The following TMSB15B variants were observed in gnomAD, a reference collection of about 807,000 sequenced individuals.
TMSB15B encodes thymosin beta-15B.
At chrX:103,921,862 G>C (rs1317154176) in intron 1 of TMSB15B, among the ~76,000 whole-genome samples, 1 of 111,890 alleles carries the variant, frequency 8.9e-6, no homozygotes, top group African/African-American at 3.3e-5. Flanking sequence ...TTTCAGGGAT[G>C]TTAAGTAACT....
intron 1 of TMSB15B, among the ~76,000 whole-genome samples, chrX:103,925,157 A>G (rs137862179): frequency 1.2e-3 from 130 of 111,632 alleles, no homozygotes; most frequent in African/African-American, 4.2e-3. Flanking sequence ...TATGTTACTA[A>G]TCTCTGCCAC....
chrX:103,930,725 GATA>G (rs10681462), intron 1 of TMSB15B, among the ~76,000 whole-genome samples: 8,580 of 92,945 alleles, frequency 0.092, 439 homozygotes, highest in African/African-American at 0.16. Context: ...TGATGCTGTT[GATA>G]ATAATAATAA....
At chrX:103,927,416 G>C (rs1412094505) in intron 1 of TMSB15B, among the ~76,000 whole-genome samples, 2 of 111,935 alleles carry the variant, frequency 1.8e-5, no homozygotes, top group Non-Finnish European at 3.8e-5. Context: ...GGTCTACAGG[G>C]TTAGGTTTGG....
chrX:103,948,578 C>T (rs1438967920), intron 1 of TMSB15B, among the ~76,000 whole-genome samples: 4 of 112,281 alleles, frequency 3.6e-5, no homozygotes, highest in Admixed American at 2.8e-4. Context: ...ATTCATATAA[C>T]AGAATATTAT....
At chrX:103,943,950 A>G (rs1196237333) in intron 1 of TMSB15B, among the ~76,000 whole-genome samples, 1 of 112,060 alleles carries the variant, frequency 8.9e-6, no homozygotes, top group Admixed American at 9.5e-5. Flanking sequence ...ATTTAAAATC[A>G]TAGATGTCTC....
At chrX:103,954,592 A>C (rs1316154269) in intron 1 of TMSB15B, among the ~76,000 whole-genome samples, 1 of 111,582 alleles carries the variant, frequency 9.0e-6, no homozygotes, top group East Asian at 2.8e-4. Flanking sequence ...GGAGTGCAAT[A>C]GGCCCCCAAC....
At chrX:103,929,155 C>G (rs1172697384) in intron 1 of TMSB15B, 2 of 433,752 alleles carry the variant, frequency 4.6e-6, no homozygotes, top group African/African-American at 4.9e-5. Flanking sequence ...GGGAGAAGTT[C>G]CCAACTACCA....
intron 1 of TMSB15B, among the ~76,000 whole-genome samples, chrX:103,936,595 G>A (rs1490907518): frequency 1.8e-5 from 2 of 112,044 alleles, no homozygotes; most frequent in African/African-American, 6.5e-5. Context: ...TCTGCAAACA[G>A]AGAGAATTTG....
intron 1 of TMSB15B, among the ~76,000 whole-genome samples, chrX:103,920,990 G>A (rs1395246671): frequency 1.8e-5 from 2 of 112,109 alleles, no homozygotes; most frequent in Admixed American, 9.4e-5. Context: ...GCTCCTGTGG[G>A]GCCTGTTCTT....
At chrX:103,928,001 C>A in intron 1 of TMSB15B, 2 of 489,150 alleles carry the variant, frequency 4.1e-6, no homozygotes, top group Non-Finnish European at 3.3e-6. Flanking sequence ...TCCAATTAAG[C>A]AATGAGAATG....
At chrX:103,949,050 C>T (rs1190110290) in intron 1 of TMSB15B, among the ~76,000 whole-genome samples, 2 of 111,025 alleles carry the variant, frequency 1.8e-5, no homozygotes, top group Admixed American at 9.6e-5. Flanking sequence ...AGAATTTAAA[C>T]GAGTAGCTCT....
intron 1 of TMSB15B, chrX:103,931,558 T>A (rs2074984965): frequency 1.8e-5 from 2 of 112,044 alleles, no homozygotes; most frequent in Non-Finnish European, 1.9e-5. Flanking sequence ...AAATCCAAAT[T>A]CTTTTAAAAA....
rs781889609 is a variant in TMSB15B, at chrX:103,936,904, T to A, written c.-721+17612T>A. On this transcript the variant is annotated intron_variant, in intron 1 of 3. Coordinates refer to the TMSB15B transcript ENST00000419165. ...GCCTTTTCTGCATCTATTGACATAA[T>A]CATATGGTTTTTGTCATTGGTTCTG... Among the ~76,000 whole-genome samples the A allele has an allele frequency of 7.1e-5, 8 of 112,337 alleles. No homozygotes were observed. The South Asian group carries it at 3.0e-3, about 42-fold the overall frequency.
intron 1 of TMSB15B, among the ~76,000 whole-genome samples, chrX:103,920,203 G>A (rs6616499): frequency 0.38 from 42,176 of 111,081 alleles, 5,810 homozygotes; most frequent in Admixed American, 0.53. Context: ...GAAATTACAA[G>A]GTGAAGCCAA....
chrX:103,927,869 C>T (rs1339474312), intron 1 of TMSB15B, among the ~76,000 whole-genome samples: 2 of 111,010 alleles, frequency 1.8e-5, no homozygotes, highest in East Asian at 5.6e-4. Context: ...CCAGAAAAAC[C>T]GATTGCCTTT....
At chrX:103,935,907 C>T (rs1346305792) in intron 1 of TMSB15B, among the ~76,000 whole-genome samples, 1 of 94,071 alleles carries the variant, frequency 1.1e-5, no homozygotes, top group African/African-American at 4.1e-5. Flanking sequence ...ACTGCAATGG[C>T]GTGATCTCAG....
chrX:103,944,166 T>C (rs2075019299), intron 1 of TMSB15B, among the ~76,000 whole-genome samples: 1 of 112,102 alleles, frequency 8.9e-6, no homozygotes, highest in Admixed American at 9.5e-5. Flanking sequence ...TCATGATACT[T>C]AATAAAATCT....
intron 1 of TMSB15B, among the ~76,000 whole-genome samples, chrX:103,938,414 TC>T (rs1276533298): frequency 8.9e-6 from 1 of 111,870 alleles, no homozygotes; most frequent in African/African-American, 3.2e-5. Context: ...ATTATGTAAT[TC>T]CCTTCTTTGT....
At chrX:103,955,852 C>T (rs1479182176) in intron 1 of TMSB15B, among the ~76,000 whole-genome samples, 1 of 111,419 alleles carries the variant, frequency 9.0e-6, no homozygotes, top group Non-Finnish European at 1.9e-5. Flanking sequence ...TTCAGCTTCT[C>T]TATAGTCAAA....
Sources: gnomAD v4.1 joint callset for allele counts (sites outside exome capture counted in the v4.1 genomes callset) on GRCh38, gnomAD v4.1.1 for gene constraint, MANE v1.5 for transcripts, NCBI Gene and HGNC (gene_info 2026-07-23, HGNC 2026-07-21) for gene names.